Variants in ANTXR2 observed in about 807,000 individuals in gnomAD.
The protein encoded by ANTXR2 is anthrax toxin receptor 2.
Under a neutral mutation model 73.7 loss-of-function variants are expected in ANTXR2, and 44 were observed. The ratio of observed to expected loss-of-function variants is 0.60; its 90% confidence interval spans 0.47 to 0.77. The LOEUF (loss-of-function observed/expected upper bound fraction) is 0.77, where lower values mean the gene tolerates loss of function less well. ANTXR2 is among the 30% of genes least tolerant of loss of function. The pLI, the probability that ANTXR2 is intolerant of heterozygous loss-of-function variation, is 0.00. For missense variants in ANTXR2, 604 were observed against 592.5 expected (o/e 1.02, Z -0.20); for synonymous variants, 217 against 205.9 (o/e 1.05, Z -0.46).
intron 16 of ANTXR2, among the ~76,000 whole-genome samples, chr4:79,950,613 T>C (rs73828816): frequency 0.091 from 13,870 of 152,076 alleles, 732 homozygotes; most frequent in Middle Eastern, 0.23. Context: ...GACGTCAAGG[T>C]GCTATTTCAA....
At chr4:79,909,053 A>G (rs1727026255) in intron 16 of ANTXR2, among the ~76,000 whole-genome samples, 1 of 152,196 alleles carries the variant, frequency 6.6e-6, no homozygotes, top group Admixed American at 6.5e-5. Context: ...AGTAGTATAT[A>G]TATTCAATGA....
chr4:80,025,523 C>T (rs1282478806), intron 10 of ANTXR2, among the ~76,000 whole-genome samples: 1 of 151,974 alleles, frequency 6.6e-6, no homozygotes, highest in Non-Finnish European at 1.5e-5. Flanking sequence ...AATAATTTAC[C>T]TTCAATTTGC....
chr4:79,961,445 AT>A (rs1177318878), intron 16 of ANTXR2, among the ~76,000 whole-genome samples: 1 of 151,544 alleles, frequency 6.6e-6, no homozygotes, highest in East Asian at 1.9e-4. Flanking sequence ...AATTATTGTT[AT>A]TTTTTTAAGA....
At chr4:80,020,520 T>C (rs911692823) in intron 10 of ANTXR2, among the ~76,000 whole-genome samples, 5 of 152,226 alleles carry the variant, frequency 3.3e-5, no homozygotes, top group Non-Finnish European at 7.3e-5. Context: ...ATGGGCATTA[T>C]CTATTTCAAC....
chr4:79,981,683 G>C (rs1443390283), intron 14 of ANTXR2, among the ~76,000 whole-genome samples: 2 of 152,124 alleles, frequency 1.3e-5, no homozygotes, highest in Admixed American at 1.3e-4. Context: ...AATCATTTCA[G>C]ATAAGGGATA....
chr4:79,947,762 C>CAGTAAATATTATAAA (rs1728568779), intron 16 of ANTXR2, among the ~76,000 whole-genome samples: 1 of 152,138 alleles, frequency 6.6e-6, no homozygotes, highest in Admixed American at 6.6e-5. Flanking sequence ...AGTACCTTGT[C>CAGTAAATATTATAAA]AGTAAATATT....
chr4:80,024,212 A>G (rs1483509176), intron 10 of ANTXR2, among the ~76,000 whole-genome samples: 1 of 152,186 alleles, frequency 6.6e-6, no homozygotes, highest in Non-Finnish European at 1.5e-5. Flanking sequence ...TTACACAAGT[A>G]GGTGGGCAGT....
intron 16 of ANTXR2, among the ~76,000 whole-genome samples, chr4:79,914,799 A>T (rs1727281383): frequency 6.6e-6 from 1 of 152,154 alleles, no homozygotes; most frequent in South Asian, 2.1e-4. Context: ...AAGACTGAAA[A>T]CTTCATTTTC....
chr4:80,053,006 G>A (rs973511436), intron 7 of ANTXR2, among the ~76,000 whole-genome samples: 2 of 151,502 alleles, frequency 1.3e-5, no homozygotes, highest in Admixed American at 6.6e-5. Context: ...ATAGCCCAGA[G>A]AGGTCCTTTC....
chr4:79,925,184 C>T (rs1488863324), intron 16 of ANTXR2, among the ~76,000 whole-genome samples: 1 of 151,892 alleles, frequency 6.6e-6, no homozygotes, highest in Non-Finnish European at 1.5e-5. Context: ...TATTTAGTTT[C>T]TTCTGACAAC....
intron 10 of ANTXR2, among the ~76,000 whole-genome samples, chr4:80,019,193 C>T (rs188192358): frequency 1.3e-5 from 2 of 151,912 alleles, no homozygotes; most frequent in Non-Finnish European, 2.9e-5. Flanking sequence ...ATAGTGAAAC[C>T]CCATCTCTAG....
At chr4:79,988,629 T>A (rs80192896) in intron 12 of ANTXR2, among the ~76,000 whole-genome samples, 13,898 of 152,002 alleles carry the variant, frequency 0.091, 738 homozygotes, top group Middle Eastern at 0.23. Flanking sequence ...AGACCTAACC[T>A]CAGCACTTAA....
intron 10 of ANTXR2, among the ~76,000 whole-genome samples, chr4:80,026,071 T>C (rs1732421019): frequency 6.6e-6 from 1 of 152,130 alleles, no homozygotes; most frequent in African/African-American, 2.4e-5. Context: ...GTGCCTTTCA[T>C]CCAAAACTTT....
intron 16 of ANTXR2, among the ~76,000 whole-genome samples, chr4:79,960,159 A>G (rs1560908600): frequency 1.3e-5 from 2 of 152,326 alleles, no homozygotes; most frequent in Middle Eastern, 3.4e-3. Flanking sequence ...AAAGCTATTT[A>G]AATAAAATAA....
intron 16 of ANTXR2, among the ~76,000 whole-genome samples, chr4:79,916,952 A>G (rs1727379081): frequency 1.3e-5 from 2 of 152,208 alleles, no homozygotes; most frequent in South Asian, 2.1e-4. Flanking sequence ...TACAGAGTAG[A>G]CTGAATAAGA....
chr4:79,934,946 T>C (rs1013634768), intron 16 of ANTXR2, among the ~76,000 whole-genome samples: 5 of 152,140 alleles, frequency 3.3e-5, no homozygotes, highest in East Asian at 1.9e-4. Context: ...TTGGGCCTTC[T>C]GTTAAGAAAA....
Position 79,905,694 on chromosome 4 carries a change from A to G in ANTXR2, c.*1735T>C, listed in dbSNP as rs944929225. On this transcript the variant is annotated 3_prime_UTR_variant, in exon 17 of 17. Transcript: ENST00000403729. ...GATATATATGTATAGAAAATTATAT[A>G]TTTGTGTGTGTGTGTAAGGCCTCTT... 1 of 152,276 alleles carries G rather than the reference A, an allele frequency of 6.6e-6. No homozygotes were observed. Among genetic ancestry groups the G allele is most frequent in the African/African-American group, 2.4e-5 (1 of 41,422 alleles). The allele number at this position is 152,276 out of a possible 1,614,324, so 9.4% of individuals were successfully genotyped here. A position where few individuals can be genotyped will look rare whatever the true frequency, so the allele number is the denominator to read the frequency against.
chr4:79,914,073 T>C (rs1727252963), intron 16 of ANTXR2, among the ~76,000 whole-genome samples: 1 of 152,124 alleles, frequency 6.6e-6, no homozygotes, highest in African/African-American at 2.4e-5. Flanking sequence ...TTTGGTTATA[T>C]GAAGAGCCCT....
chr4:79,960,056 C>A (rs1354333409), intron 16 of ANTXR2, among the ~76,000 whole-genome samples: 1 of 152,108 alleles, frequency 6.6e-6, no homozygotes, highest in Non-Finnish European at 1.5e-5. Context: ...GTTTTACAGA[C>A]TTACTAACTC....
Sources: allele counts gnomAD v4.1 joint callset (sites outside exome capture counted in the v4.1 genomes callset), GRCh38; gene constraint gnomAD v4.1.1; transcripts MANE v1.5; gene names NCBI Gene and HGNC (gene_info 2026-07-23, HGNC 2026-07-21).